Variants in GYS2 observed in about 807,000 individuals in gnomAD.
The protein encoded by GYS2 is glycogen synthase 2.
GYS2 carries 80 observed loss-of-function variants against 85.6 expected under a neutral mutation model. The ratio of observed to expected loss-of-function variants is 0.93; its 90% CI spans 0.78 to 1.13. The LOEUF (loss-of-function observed/expected upper bound fraction) is 1.13, where lower values mean the gene tolerates loss of function less well. GYS2 is among the 50% of genes most tolerant of loss of function. The pLI is 0.00. For synonymous variants in GYS2, 328 were observed against 300.7 expected (o/e 1.09, Z -0.94); for missense variants, 881 against 854.9 (o/e 1.03, Z -0.38).
downstream of GYS2, chr12:21,533,057 A>C: frequency 6.6e-6 from 1 of 152,034 alleles, no homozygotes; most frequent in East Asian, 1.9e-4. Context: ...TTCACATTAT[A>C]TGGCTTGTGT....
intron 11 of GYS2, among the ~76,000 whole-genome samples, chr12:21,550,327 A>ACACACG (rs1211240458): frequency 6.8e-6 from 1 of 147,200 alleles, no homozygotes; most frequent in African/African-American, 2.6e-5. Flanking sequence ...ACACACACAC[A>ACACACG]CACACACACA....
At chr12:21,541,346 T>A (rs1449986801) in intron 13 of GYS2, among the ~76,000 whole-genome samples, 2 of 149,492 alleles carry the variant, frequency 1.3e-5, no homozygotes, top group Non-Finnish European at 3.0e-5. Flanking sequence ...CCATTTTAAC[T>A]TTTCTTGCTG....
intron 4 of GYS2, among the ~76,000 whole-genome samples, chr12:21,573,451 A>G (rs1439764577): frequency 2.6e-5 from 4 of 152,196 alleles, no homozygotes; most frequent in Non-Finnish European, 5.9e-5. Context: ...ATGATATAAA[A>G]TATATACTTT....
At chr12:21,574,402 G>C in intron 3 of GYS2, 76 bp from the exon 4 acceptor site, 2 of 1,086,384 alleles carry the variant, frequency 1.8e-6, no homozygotes, top group Non-Finnish European at 2.8e-6. Flanking sequence ...CATCATAAGT[G>C]GAGTTATGGT....
intron 11 of GYS2, among the ~76,000 whole-genome samples, chr12:21,554,404 G>A (rs886195624): frequency 3.0e-4 from 45 of 152,054 alleles, no homozygotes; most frequent in African/African-American, 1.0e-3. Flanking sequence ...ACTTGCTTTC[G>A]ACCCCTTCAT....
At chr12:21,572,652 T>C (rs984109191) in intron 4 of GYS2, among the ~76,000 whole-genome samples, 4 of 152,096 alleles carry the variant, frequency 2.6e-5, no homozygotes, top group African/African-American at 9.7e-5. Flanking sequence ...GTGAAGGGCT[T>C]TAAACTAGAG....
At chr12:21,541,444 C>A (rs560520259) in intron 13 of GYS2, among the ~76,000 whole-genome samples, 1 of 151,866 alleles carries the variant, frequency 6.6e-6, no homozygotes, top group Non-Finnish European at 1.5e-5. Flanking sequence ...TTGTCACGGG[C>A]CTTTAAAATA....
intron 12 of GYS2, among the ~76,000 whole-genome samples, chr12:21,545,374 G>A (rs1450461079): frequency 7.9e-5 from 12 of 152,168 alleles, no homozygotes; most frequent in African/African-American, 2.4e-4. Flanking sequence ...CCCAGGAGGC[G>A]AAGGTTGCAG....
chr12:21,544,112 G>A (rs1189360243), intron 12 of GYS2, among the ~76,000 whole-genome samples: 1 of 152,160 alleles, frequency 6.6e-6, no homozygotes. Flanking sequence ...AGTGAGTTAA[G>A]TCTAGTAACA....
intron 8 of GYS2, among the ~76,000 whole-genome samples, chr12:21,559,992 GA>G (rs1944232563): frequency 6.6e-6 from 1 of 152,148 alleles, no homozygotes; most frequent in Non-Finnish European, 1.5e-5. Context: ...AGGGGGAGTA[GA>G]TGAAGGTATA....
chr12:21,539,464 T>A, intron 14 of GYS2, 126 bp from the exon 15 acceptor site: 1 of 723,316 alleles, frequency 1.4e-6, no homozygotes, highest in Non-Finnish European at 2.5e-6. Flanking sequence ...ACAGAATCTA[T>A]GCAGTCTAAG....
intron 13 of GYS2, among the ~76,000 whole-genome samples, chr12:21,542,236 GA>G (rs1290296474): frequency 6.6e-6 from 1 of 152,116 alleles, no homozygotes; most frequent in Non-Finnish European, 1.5e-5. Flanking sequence ...TTTTAGTAGA[GA>G]TGGGATTTTG....
intron 12 of GYS2, among the ~76,000 whole-genome samples, chr12:21,543,711 A>T (rs542561977): frequency 3.3e-4 from 51 of 152,244 alleles, no homozygotes; most frequent in Non-Finnish European, 5.7e-4. Flanking sequence ...CCCTGCATGC[A>T]TTAGGTATTT....
chr12:21,543,751 C>A (rs1406157023), intron 12 of GYS2, among the ~76,000 whole-genome samples: 1 of 152,178 alleles, frequency 6.6e-6, no homozygotes, highest in Non-Finnish European at 1.5e-5. Flanking sequence ...CCTCGCCCCA[C>A]AACCCGACAG....
rs1944266202 is a variant in GYS2, at chr12:21,562,528, C to T, written c.1062+390G>A. ...TTCCATTATAGTCTTCACTGATTTTCTGAAAATTGATATTTTGCTCTGCAT... is the reference window on the plus strand; with the variant it reads ...TTCCATTATAGTCTTCACTGATTTTTTGAAAATTGATATTTTGCTCTGCAT... On this transcript the variant is annotated intron_variant, in intron 7 of 15. Coordinates refer to ENST00000261195, the MANE Select transcript of GYS2 (RefSeq NM_021957.4). 3.3e-5 allele frequency among the ~76,000 whole-genome samples: 5 copies of T among 152,060 alleles called. 1 individual carries two copies. The South Asian group carries it at 1.0e-3, about 31-fold the overall frequency.
chr12:21,546,966 C>T (rs1397142987), intron 11 of GYS2, among the ~76,000 whole-genome samples: 1 of 152,170 alleles, frequency 6.6e-6, no homozygotes, highest in Non-Finnish European at 1.5e-5. Flanking sequence ...TAGATTAAAT[C>T]ATGCTAGAGG....
rs769972447 is a variant in GYS2, at chr12:21,574,133, G to A, written c.678+11C>T. Reference sequence around the variant, plus strand: ...AGGGTGAGTAAGAGGGAGGGAGGAAGGAATATTTACCTTATCAAGATGGTT... The same window carrying A: ...AGGGTGAGTAAGAGGGAGGGAGGAAAGAATATTTACCTTATCAAGATGGTT... On this transcript the variant is annotated intron_variant, in intron 4 of 15. Coordinates refer to ENST00000261195, the MANE Select transcript of GYS2 (RefSeq NM_021957.4). 4 of 1,591,342 alleles carry A rather than the reference G, an allele frequency of 2.5e-6. No individual in the cohort carries two copies. Among genetic ancestry groups the A allele is most frequent in the Non-Finnish European group, 3.4e-6 (4 of 1,159,450 alleles).
chr12:21,598,950 G>A (rs1944724549), intron 1 of GYS2, among the ~76,000 whole-genome samples: 1 of 151,956 alleles, frequency 6.6e-6, no homozygotes, highest in South Asian at 2.1e-4. Flanking sequence ...ATAACAATGA[G>A]GTGGTTAAAA....
downstream of GYS2, among the ~76,000 whole-genome samples, chr12:21,533,656 C>G (rs80090484): frequency 0.02 from 3,120 of 152,238 alleles, 63 homozygotes; most frequent in Non-Finnish European, 0.029. Flanking sequence ...CTTCCTTGTA[C>G]CCTGGAAAAC....
Sources: gnomAD v4.1 joint callset for allele counts (sites outside exome capture counted in the v4.1 genomes callset) on GRCh38, gnomAD v4.1.1 for gene constraint, MANE v1.5 for transcripts, NCBI Gene and HGNC (gene_info 2026-07-23, HGNC 2026-07-21) for gene names.